Variants in EPHA6 observed in about 807,000 individuals in gnomAD.
EPHA6 encodes ephrin type-A receptor 6.
A neutral mutation model predicts 112.0 loss-of-function variants in EPHA6; 50 were observed. The ratio of observed to expected loss-of-function variants is 0.45; its 90% CI spans 0.36 to 0.56. The LOEUF (loss-of-function observed/expected upper bound fraction) is 0.56. Ranked by LOEUF, EPHA6 falls within the 20% of genes least tolerant of loss-of-function variation. EPHA6 has a pLI of 0.00. For missense variants in EPHA6, 1,280 were observed against 1,417.4 expected, an observed-to-expected ratio of 0.90 and a Z score of 1.56; for synonymous variants, 529 against 490.7, an observed-to-expected ratio of 1.08 and a Z score of -1.03.
At chr3:97,522,922 T>C (rs993820213) in intron 10 of EPHA6, among the ~76,000 whole-genome samples, 1 of 152,130 alleles carries the variant, frequency 6.6e-6, no homozygotes, top group South Asian at 2.1e-4. Flanking sequence ...TTATCTCTTT[T>C]TTTCTTAGTT....
chr3:97,502,421 G>T (rs921170169), intron 10 of EPHA6, among the ~76,000 whole-genome samples: 5 of 151,634 alleles, frequency 3.3e-5, no homozygotes, highest in African/African-American at 1.2e-4. Context: ...CACCCACCTC[G>T]GCCTCCTAAA....
intron 2 of EPHA6, among the ~76,000 whole-genome samples, chr3:96,930,172 AG>A: frequency 6.6e-6 from 1 of 152,290 alleles, no homozygotes; most frequent in South Asian, 2.1e-4. Flanking sequence ...ATGTTACTTT[AG>A]CTCAGCAAAG....
chr3:97,624,665 C>T (rs995343135), intron 13 of EPHA6, among the ~76,000 whole-genome samples: 2 of 151,436 alleles, frequency 1.3e-5, no homozygotes, highest in Non-Finnish European at 3.0e-5. Context: ...ACCAATAAAG[C>T]CATCATCATC....
chr3:97,227,679 G>A (rs2078400741), intron 4 of EPHA6, among the ~76,000 whole-genome samples: 1 of 152,128 alleles, frequency 6.6e-6, no homozygotes, highest in African/African-American at 2.4e-5. Context: ...AACGCTATAG[G>A]AGTCATGAAA....
chr3:97,138,072 C>A (rs983009396), intron 3 of EPHA6, among the ~76,000 whole-genome samples: 1 of 152,104 alleles, frequency 6.6e-6, no homozygotes. Flanking sequence ...GCAGAGCTTC[C>A]TGCTTGGACA....
intron 3 of EPHA6, among the ~76,000 whole-genome samples, chr3:97,179,783 G>T (rs1034182463): frequency 1.4e-5 from 2 of 146,142 alleles, no homozygotes; most frequent in African/African-American, 5.4e-5. Flanking sequence ...AAAGCTGGAG[G>T]TGGGGTGTTA....
rs532473809 is a variant in EPHA6, at chr3:97,263,934, TATTA to T, written c.1606+19651_1606+19654del. Reference sequence around the variant, plus strand: ...ATTGACATAAACACAGCAGTTTCCATATTAATTTCATATAAGTATAATGAAGATT... The same window carrying T: ...ATTGACATAAACACAGCAGTTTCCATATTTCATATAAGTATAATGAAGATT... On this transcript the variant is annotated intron_variant, in intron 5 of 17. Coordinates refer to ENST00000389672, the MANE Select transcript of EPHA6 (RefSeq NM_001080448.3). 2.4e-3 allele frequency among the ~76,000 whole-genome samples: 370 copies of T among 152,342 alleles called. 3 individuals are homozygous for T. Among genetic ancestry groups the T allele is most frequent in the African/African-American group, 7.9e-3 (329 of 41,582 alleles).
intron 6 of EPHA6, among the ~76,000 whole-genome samples, chr3:97,411,103 G>A (rs760143857): frequency 6.6e-6 from 1 of 151,350 alleles, no homozygotes; most frequent in Non-Finnish European, 1.5e-5. Context: ...GAAATTAGAT[G>A]TGAGCATTTG....
intron 12 of EPHA6, among the ~76,000 whole-genome samples, chr3:97,608,887 C>T (rs1456387775): frequency 6.6e-6 from 1 of 151,286 alleles, no homozygotes; most frequent in Non-Finnish European, 1.5e-5. Flanking sequence ...AGGTTAAGAT[C>T]TCAAACTCTG....
rs913472972 is a variant in EPHA6, at chr3:97,375,420, G to A, written c.1607-29730G>A. Among the ~76,000 whole-genome samples, 4 of 152,028 alleles carry A rather than the reference G, an allele frequency of 2.6e-5. No individual in the cohort carries two copies. In the East Asian group the frequency reaches 7.7e-4, roughly 29 times the overall value. ...TTTACCACATTCTCTTCTTACCAAGGCTAGATGGGGAAAGGGACTGAGATG... is the reference window on the plus strand; with the variant it reads ...TTTACCACATTCTCTTCTTACCAAGACTAGATGGGGAAAGGGACTGAGATG... On this transcript the variant is annotated intron_variant, in intron 5 of 17. Transcript: ENST00000389672.
intron 3 of EPHA6, among the ~76,000 whole-genome samples, chr3:97,078,164 A>G (rs148601775): frequency 1.5e-3 from 229 of 152,188 alleles, no homozygotes; most frequent in Non-Finnish European, 2.7e-3. Context: ...GCATTTTTTC[A>G]CATGTCTGTT....
At chr3:97,246,063 T>C (rs1269317225) in intron 5 of EPHA6, among the ~76,000 whole-genome samples, 1 of 152,006 alleles carries the variant, frequency 6.6e-6, no homozygotes, top group Non-Finnish European at 1.5e-5. Flanking sequence ...TGCTTTATGG[T>C]TATTCAAAAT....
At chr3:97,283,263 T>C (rs2080349904) in intron 5 of EPHA6, among the ~76,000 whole-genome samples, 1 of 152,184 alleles carries the variant, frequency 6.6e-6, no homozygotes, top group Non-Finnish European at 1.5e-5. Flanking sequence ...AATTTTGAAA[T>C]TGTTTAGTTC....
At chr3:96,906,815 C>G (rs1162413671) in intron 2 of EPHA6, among the ~76,000 whole-genome samples, 1 of 151,780 alleles carries the variant, frequency 6.6e-6, no homozygotes, top group Non-Finnish European at 1.5e-5. Context: ...AATTTGGTCC[C>G]TAGAGGTATA....
At chr3:97,547,462 T>C (rs1044191454) in intron 11 of EPHA6, among the ~76,000 whole-genome samples, 18 of 152,132 alleles carry the variant, frequency 1.2e-4, no homozygotes, top group Non-Finnish European at 2.5e-4. Flanking sequence ...GTGTGAGGTG[T>C]CAGTCCGCCC....
intron 5 of EPHA6, among the ~76,000 whole-genome samples, chr3:97,379,053 G>C (rs2085555200): frequency 1.3e-5 from 2 of 152,238 alleles, no homozygotes; most frequent in South Asian, 4.1e-4. Context: ...CTCATCTTCA[G>C]CTGTACTCCC....
rs1186463821 is a variant in EPHA6 at position 97,619,364 on chromosome 3, T to C, written c.2574+8510T>C. 3.5e-5 allele frequency among the ~76,000 whole-genome samples: 5 copies of C among 141,434 alleles called. No individual in the cohort carries two copies. The East Asian group carries it at 8.8e-4, about 25-fold the overall frequency. The allele number at this position is 141,434 out of a possible 152,430, so 92.8% of individuals were successfully genotyped here. A position where few individuals can be genotyped will look rare whatever the true frequency, so the allele number is the denominator to read the frequency against. On this transcript the variant is annotated intron_variant, in intron 13 of 17. Transcript: ENST00000389672. The stretch of plus-strand genomic sequence containing the variant: ...CTTGAAAAAGGGCACAAGACAAGGA[T>C]GCCCTATCTCACCACTCCTATTCAA...
intron 2 of EPHA6, among the ~76,000 whole-genome samples, chr3:96,970,491 A>G (rs922090396): frequency 2.0e-5 from 3 of 152,068 alleles, no homozygotes; most frequent in Non-Finnish European, 4.4e-5. Flanking sequence ...AAAAGTTTAC[A>G]TATTTTCCAT....
At chr3:97,156,514 G>A (rs950113517) in intron 3 of EPHA6, among the ~76,000 whole-genome samples, 4 of 152,042 alleles carry the variant, frequency 2.6e-5, no homozygotes, top group African/African-American at 9.7e-5. Flanking sequence ...AGATTGTTTA[G>A]TGCAGAATAT....
Sources: gnomAD v4.1 joint callset for allele counts (sites outside exome capture counted in the v4.1 genomes callset) on GRCh38, gnomAD v4.1.1 for gene constraint, MANE v1.5 for transcripts, NCBI Gene and HGNC (gene_info 2026-07-23, HGNC 2026-07-21) for gene names.